The following ABCC8 variants were observed in gnomAD, a reference collection of about 807,000 sequenced individuals.
The protein encoded by ABCC8 is ATP-binding cassette sub-family C member 8.
In ABCC8, 137 loss-of-function variants were observed where a neutral mutation model predicts 188.0. The ratio of observed to expected loss-of-function variants is 0.73; its 90% CI spans 0.63 to 0.84. The LOEUF is 0.84. Among genes scored for constraint, ABCC8 ranks in the 40% least tolerant of loss-of-function variants. The pLI, the probability that ABCC8 is intolerant of heterozygous loss-of-function variation, is 0.00. For synonymous variants in ABCC8, 797 were observed against 846.5 expected, an observed-to-expected ratio of 0.94 and a Z score of 1.01; for missense variants, 1,750 against 2,072.7, an observed-to-expected ratio of 0.84 and a Z score of 3.02.
intron 3 of ABCC8, among the ~76,000 whole-genome samples, chr11:17,468,308 G>A (rs1018712760): frequency 1.3e-5 from 2 of 152,180 alleles, no homozygotes; most frequent in African/African-American, 4.8e-5. Context: ...GACTCCAAAT[G>A]TCAATTCGAT....
intron 35 of ABCC8, 80 bp downstream of exon 35, chr11:17,395,530 C>A: frequency 6.6e-7 from 1 of 1,521,248 alleles, no homozygotes; most frequent in Non-Finnish European, 8.8e-7. Flanking sequence ...TCTCCCCCAA[C>A]CCCCTCCTCT....
intron 10 of ABCC8, among the ~76,000 whole-genome samples, chr11:17,439,358 C>T (rs1043737788): frequency 1.3e-5 from 2 of 151,988 alleles, no homozygotes; most frequent in East Asian, 1.9e-4. Context: ...CTGATGGTGC[C>T]GCATATGAGC....
Position 17,476,658 on chromosome 11 carries a change from A to G in ABCC8, c.119T>C (p.Leu40Pro). 6.2e-7 allele frequency: 1 copy of G among 1,612,346 alleles called. No individual in the cohort carries two copies. The change falls in exon 1 of 39, where the codon CTC becomes CCC. Residue 40 changes from leucine (L) to proline (P), a missense_variant. By Grantham distance (98) the Leu-to-Pro change is moderately conservative (BLOSUM62 -3). Transcript: ENST00000389817. Reference protein sequence around the residue: ...ALNVVPHVFLLFITFPILFIG... With the variant: ...ALNVVPHVFLPFITFPILFIG... ...GAAGAGGATGGGGAAGGTGATGAAG[A>G]GTAGGAAGACGTGCGGCACCACGTT...
chr11:17,394,761 A>G (rs1953819282), intron 36 of ABCC8, among the ~76,000 whole-genome samples: 2 of 152,084 alleles, frequency 1.3e-5, no homozygotes, highest in African/African-American at 4.8e-5. Flanking sequence ...CAGCAAATAT[A>G]CCAAGGCTTT....
intron 6 of ABCC8, among the ~76,000 whole-genome samples, chr11:17,459,754 C>G (rs1461948510): frequency 6.6e-6 from 1 of 152,154 alleles, no homozygotes; most frequent in Non-Finnish European, 1.5e-5. Flanking sequence ...CACAGTCTGC[C>G]CAGCCCCCGA....
intron 21 of ABCC8, among the ~76,000 whole-genome samples, chr11:17,412,413 C>G (rs1380035270): frequency 6.6e-6 from 1 of 152,220 alleles, no homozygotes; most frequent in African/African-American, 2.4e-5. Context: ...GACAGGCAGC[C>G]TATAACTACA....
intron 38 of ABCC8, 185 bp from the exon 39 acceptor site, chr11:17,393,313 A>T (rs1953725477): frequency 2.5e-6 from 2 of 807,326 alleles, no homozygotes; most frequent in Non-Finnish European, 3.9e-6. Flanking sequence ...ATCTGCTAAT[A>T]CCACCCTTCT....
Position 17,407,439 on chromosome 11 carries a change from C to G in ABCC8, c.2835G>C (p.Glu945Asp), listed in dbSNP as rs754757951. ...CCTGGGGTGGCTCTGTGGCTTTTCT[C>G]TCTGTGACAGTCTCCTAAAAGACAG... ...DQELEKETVT[E>D]RKATEPPQGL... Residue 945 changes from glutamate to aspartate, a missense_variant, in exon 24 of 39, where the codon GAG becomes GAC. Glu to Asp is a conservative substitution (Grantham distance 45). Coordinates refer to ENST00000389817, the MANE Select transcript of ABCC8 (RefSeq NM_000352.6). 2 of 1,614,052 alleles carry G rather than the reference C, an allele frequency of 1.2e-6. No individual in the cohort carries two copies. Among genetic ancestry groups the G allele is most frequent in the Admixed American group, 3.3e-5 (2 of 59,996 alleles).
chr11:17,423,356 C>CA (rs58524307), intron 16 of ABCC8, among the ~76,000 whole-genome samples: 15,270 of 62,858 alleles, frequency 0.24, 2,834 homozygotes, highest in African/African-American at 0.43. Context: ...GACTCCGTCT[C>CA]AAAAAAAAAA....
Position 17,404,607 on chromosome 11 carries a change from G to T in ABCC8, c.3462C>A (p.Ala1154=). The change falls in exon 28 of 39, where the codon GCC becomes GCA. Residue 1154 remains alanine (A), a synonymous_variant. Coordinates refer to ENST00000389817, the MANE Select transcript of ABCC8 (RefSeq NM_000352.6). This position sits in a 1 kb window ranked among gnomAD's most constrained non-coding sequence, Gnocchi z 4.7. ...RSTLLCVSAL[A]VISYVTPVFL... ...ACACAGGTGTGACATAGGAGATGACGGCCAGGGCTGAGACACAGAGCAGGG... is the reference window on the plus strand; with the variant it reads ...ACACAGGTGTGACATAGGAGATGACTGCCAGGGCTGAGACACAGAGCAGGG... 1.2e-6 allele frequency: 2 copies of T among 1,613,844 alleles called. No homozygotes were observed. The highest frequency in any genetic ancestry group is 1.7e-6 in the Non-Finnish European group (2 of 1,179,964).
At chr11:17,435,939 C>G in intron 10 of ABCC8, 1 of 1,554,430 alleles carries the variant, frequency 6.4e-7, no homozygotes, top group South Asian at 1.1e-5. Context: ...AAAGAGAGAC[C>G]CCTGCACTCA....
At chr11:17,405,358 A>G in intron 27 of ABCC8, 136 bp downstream of exon 27, 4 of 1,388,712 alleles carry the variant, frequency 2.9e-6, no homozygotes, top group Non-Finnish European at 4.0e-6. Context: ...CAGCATTATA[A>G]TCGGATCGGG....
rs1432121917 is a variant in ABCC8, at chr11:17,408,476, G to A, written c.2736C>T (p.Thr912=). The A allele has an allele frequency of 1.2e-6, 2 of 1,613,576 alleles. No individual in the cohort carries two copies. The highest frequency in any genetic ancestry group is 1.3e-5 in the African/African-American group (1 of 74,892). Residue 912 remains threonine (T), a synonymous_variant, in exon 23 of 39, where the codon ACC becomes ACT. Coordinates refer to ENST00000389817, the MANE Select transcript of ABCC8 (RefSeq NM_000352.6). Reference sequence around the variant, plus strand: ...ATTCAGACCTCTGGAAGTCCTTGAGGGTACCCTCCCTCTGGATGGTGCCAT... The same window carrying A: ...ATTCAGACCTCTGGAAGTCCTTGAGAGTACCCTCCCTCTGGATGGTGCCAT... The part of the protein sequence containing the change: ...MKDGTIQREG[T]LKDFQRSECQ...
At chr11:17,396,364 GA>G (rs1953927942) in intron 33 of ABCC8, 1 of 338,804 alleles carries the variant, frequency 3.0e-6, no homozygotes, top group Admixed American at 4.1e-5. Flanking sequence ...GGTACCAACA[GA>G]AATTACAATA....
intron 35 of ABCC8, 76 bp from the exon 36 acceptor site, chr11:17,395,351 T>C (rs1953858494): frequency 8.4e-6 from 13 of 1,549,708 alleles, no homozygotes; most frequent in Non-Finnish European, 1.1e-5. Context: ...AAGAGGGCAG[T>C]GAGCGAGAGC....
rs368710356 is a variant in ABCC8 at position 17,397,304 on chromosome 11, A to C, written c.3877T>G (p.Tyr1293Asp). Residue 1293 changes from tyrosine (Y) to aspartate (D), a missense_variant, in exon 32 of 39, where the codon TAC (tyrosine) becomes GAC (aspartate). Transcript: ENST00000389817. ...AGGTTCCTCACCATCCAGTTGAGGT[A>C]GTTGGAGACCTGTGGGGAGCAAGCC... ...GLTYALMVSNYLNWMVRNLAD... is the reference protein window; with the variant it reads ...GLTYALMVSNDLNWMVRNLAD... The C allele has an allele frequency of 6.6e-5, 106 of 1,611,818 alleles. No individual in the cohort carries two copies. The highest frequency in any genetic ancestry group is 8.6e-5 in the Non-Finnish European group (102 of 1,179,998).
intron 10 of ABCC8, among the ~76,000 whole-genome samples, chr11:17,437,023 G>A (rs199585049): frequency 4.1e-5 from 6 of 147,780 alleles, no homozygotes; most frequent in South Asian, 2.2e-4. Context: ...CCCAGGAGGC[G>A]GAGGTTGCAG....
intron 3 of ABCC8, among the ~76,000 whole-genome samples, chr11:17,469,862 C>A (rs60229062): frequency 2.0e-5 from 3 of 152,114 alleles, no homozygotes; most frequent in Non-Finnish European, 4.4e-5. Context: ...CTACCCCTTA[C>A]TCAGCTTGAT....
intron 7 of ABCC8, among the ~76,000 whole-genome samples, chr11:17,449,746 T>G (rs769360847): frequency 1.3e-4 from 20 of 152,244 alleles, no homozygotes; most frequent in African/African-American, 4.8e-4. Flanking sequence ...AATTCCTCTT[T>G]TGTGTAAACC....
Sources: allele counts gnomAD v4.1 joint callset (sites outside exome capture counted in the v4.1 genomes callset), GRCh38; gene constraint gnomAD v4.1.1; non-coding constraint Gnocchi (gnomAD v3.1); transcripts MANE v1.5; gene names NCBI Gene and HGNC (gene_info 2026-07-23, HGNC 2026-07-21).